DPP4: variants seen among roughly 807,000 people sequenced by gnomAD.
The protein encoded by DPP4 is ADCP-2.
Under a neutral mutation model 122.4 loss-of-function variants are expected in DPP4, and 93 were observed. That is an observed-to-expected ratio of 0.76 (90% CI 0.64 to 0.90). DPP4 has a LOEUF of 0.90. Ranked by LOEUF, DPP4 falls within the 40% of genes least tolerant of loss-of-function variation. The pLI, the probability that DPP4 is intolerant of heterozygous loss-of-function variation, is 0.00. For missense variants in DPP4, 914 were observed against 907.3 expected, an observed-to-expected ratio of 1.01 and a Z score of -0.09; for synonymous variants, 321 against 302.9, an observed-to-expected ratio of 1.06 and a Z score of -0.62.
intron 13 of DPP4, 67 bp from the exon 14 acceptor site, chr2:162,020,363 G>A (rs1160940120): frequency 7.7e-7 from 1 of 1,299,348 alleles, no homozygotes; most frequent in African/African-American, 1.5e-5. Flanking sequence ...TGTTCAAAGT[G>A]GAGGATTAAA....
intron 9 of DPP4, among the ~76,000 whole-genome samples, chr2:162,033,862 G>GTACATATATATATATA (rs1683658843): frequency 9.6e-6 from 1 of 104,026 alleles, no homozygotes; most frequent in Admixed American, 1.1e-4. Flanking sequence ...CAGAATATGT[G>GTACATATATATATATA]TATATATATA....
At position 161,995,252 on chromosome 2, in the gene DPP4, T is replaced by C. The variant is rs770353584; in HGVS notation, c.2125+48A>G. ...TGCTTTTGTTTTGTCAGTAGTGAAA[T>C]TGCAAACCTGTCTGTGATACTAAAA... On this transcript the variant is annotated intron_variant, in intron 24 of 25. Coordinates refer to ENST00000360534, the MANE Select transcript of DPP4 (RefSeq NM_001935.4). 3.2e-6 allele frequency: 5 copies of C among 1,552,736 alleles called. No homozygotes were observed. In the Admixed American group the frequency reaches 5.0e-5, roughly 16 times the overall value.
chr2:162,074,079 G>C lies in DPP4; in HGVS notation c.-98C>G. ...CGCGTCCTGCACCGCTGCTCCGGGC[G>C]GTGGAGTCACTCGCCGCTGGCAAGT... is the stretch of plus-strand genomic sequence containing the variant. On this transcript the variant is annotated 5_prime_UTR_variant, in exon 1 of 26. Transcript: ENST00000360534. 1 of 1,510,724 alleles carries C rather than the reference G, an allele frequency of 6.6e-7. No homozygotes were observed. Among genetic ancestry groups the C allele is most frequent in the Non-Finnish European group, 8.8e-7 (1 of 1,130,794 alleles). 93.6% of individuals were successfully genotyped at this position (1,510,724 alleles called of 1,614,324 possible).
intron 2 of DPP4, among the ~76,000 whole-genome samples, chr2:162,061,006 CTCCT>C (rs1235608036): frequency 0.051 from 4,114 of 81,324 alleles, 215 homozygotes; most frequent in African/African-American, 0.17. Flanking sequence ...CCCTCCCTCC[CTCCT>C]TCCTTCCTTC....
At chr2:162,069,918 G>T (rs1416283088) in intron 2 of DPP4, among the ~76,000 whole-genome samples, 1 of 152,100 alleles carries the variant, frequency 6.6e-6, no homozygotes, top group Non-Finnish European at 1.5e-5. Context: ...AGGAGCAAAA[G>T]AAGAGATATA....
intron 14 of DPP4, among the ~76,000 whole-genome samples, chr2:162,019,964 A>G (rs1347230769): frequency 6.6e-6 from 1 of 152,170 alleles, no homozygotes; most frequent in Non-Finnish European, 1.5e-5. Context: ...TCGGCGTTCC[A>G]CAACGTTCAT....
At position 162,008,564 on chromosome 2, in the gene DPP4, T is replaced by C. The variant is rs1701341157; in HGVS notation, c.1985A>G (p.Tyr662Cys). The stretch of plus-strand genomic sequence containing the variant: ...TGTACCTGGCAGCAATTACATACCA[T>C]AGTACTCCCACCGGGATACAGGCGC... ...AVAPVSRWEY[Y>C]DSVYTERYMG... The change falls in exon 22 of 26, where the codon TAT becomes TGT. Residue 662 changes from tyrosine (Y) to cysteine (C), a missense_variant and splice_region_variant. Transcript: ENST00000360534. 1.2e-6 allele frequency: 2 copies of C among 1,613,096 alleles called. No individual in the cohort carries two copies. Among genetic ancestry groups the C allele is most frequent in the South Asian group, 1.1e-5 (1 of 91,062 alleles).
chr2:162,052,231 T>C (rs1684407976), intron 2 of DPP4, among the ~76,000 whole-genome samples: 1 of 148,192 alleles, frequency 6.7e-6, no homozygotes, highest in Admixed American at 6.9e-5. Flanking sequence ...GGCAGGAAAA[T>C]TGCTTGAACC....
At chr2:162,033,862 GTATATATATATATA>G (rs138320647) in intron 9 of DPP4, among the ~76,000 whole-genome samples, 2,103 of 104,044 alleles carry the variant, frequency 0.02, 92 homozygotes, top group African/African-American at 0.071. Flanking sequence ...CAGAATATGT[GTATATATATATATA>G]TATATATATA....
chr2:162,038,255 TA>T, intron 8 of DPP4, 46 bp downstream of exon 8: 1 of 1,478,100 alleles, frequency 6.8e-7, no homozygotes, highest in Admixed American at 2.5e-5. Flanking sequence ...TTAACTATTT[TA>T]AAAGCTTATA....
rs1682945050 is a variant in DPP4 at position 162,016,866 on chromosome 2, C to A, written c.1469G>T (p.Gly490Val). 2.5e-6 allele frequency: 4 copies of A among 1,607,882 alleles called. No individual in the cohort carries two copies. Among genetic ancestry groups the A allele is most frequent in the Non-Finnish European group, 3.4e-6 (4 of 1,178,074 alleles). ...YTLHSSVNDK[G>V]LRVLEDNSAL... ...TGAATTGTCTTCCAGGACTCTCAGCCCTAAAGAAATACAGGAGACAGCAGT... is the reference window on the plus strand; with the variant it reads ...TGAATTGTCTTCCAGGACTCTCAGCACTAAAGAAATACAGGAGACAGCAGT... Residue 490 changes from glycine to valine, a missense_variant and splice_region_variant, in exon 18 of 26, where the codon GGG becomes GTG. Physicochemically the swap from Gly to Val is moderately radical, Grantham distance 109 (BLOSUM62 -3). Coordinates refer to ENST00000360534, the MANE Select transcript of DPP4 (RefSeq NM_001935.4).
chr2:162,068,156 G>A (rs1283593854), intron 2 of DPP4, among the ~76,000 whole-genome samples: 1 of 152,162 alleles, frequency 6.6e-6, no homozygotes, highest in African/African-American at 2.4e-5. Context: ...AGCTTGAGAT[G>A]TCAGTCATTG....
intron 5 of DPP4, among the ~76,000 whole-genome samples, chr2:162,043,641 C>G (rs73971539): frequency 0.027 from 4,123 of 152,236 alleles, 201 homozygotes; most frequent in African/African-American, 0.094. Flanking sequence ...CTGTTTCTAC[C>G]TTACCTTCAT....
intron 8 of DPP4, among the ~76,000 whole-genome samples, chr2:162,036,088 A>G (rs1417756001): frequency 6.6e-6 from 1 of 152,168 alleles, no homozygotes; most frequent in African/African-American, 2.4e-5. Context: ...GAGATATTCA[A>G]TCACTGGCTC....
chr2:161,993,299 C>G lies in DPP4; in HGVS notation c.2285G>C (p.Cys762Ser), dbSNP rs144519975. ...TTTGAGGTGCTAAGGTAAAGAGAAACATTGTTTTATGAAGTGGCTCATGTG... is the reference window on the plus strand; with the variant it reads ...TTTGAGGTGCTAAGGTAAAGAGAAAGATTGTTTTATGAAGTGGCTCATGTG... ...YTHMSHFIKQ[C>S]FSLP The change falls in exon 26 of 26, where the codon TGT becomes TCT. Residue 762 changes from cysteine to serine, a missense_variant. Physicochemically the swap from Cys to Ser is moderately radical, Grantham distance 112. Coordinates refer to ENST00000360534, the MANE Select transcript of DPP4 (RefSeq NM_001935.4). 1,522 of 1,612,288 alleles carry G rather than the reference C, an allele frequency of 9.4e-4. No homozygotes were observed. Among genetic ancestry groups the G allele is most frequent in the Non-Finnish European group, 1.2e-3 (1,390 of 1,178,524 alleles).
intron 10 of DPP4, chr2:162,032,112 T>C (rs778177597): frequency 1.3e-5 from 2 of 152,232 alleles, no homozygotes; most frequent in Non-Finnish European, 2.9e-5. Flanking sequence ...ACTGCTGTGA[T>C]GGTGCCTTCA....
chr2:162,053,238 C>T (rs1425958934), intron 2 of DPP4, among the ~76,000 whole-genome samples: 2 of 152,148 alleles, frequency 1.3e-5, no homozygotes, highest in African/African-American at 4.8e-5. Flanking sequence ...AAGCCAGATG[C>T]TATTCATCAA....
intron 15 of DPP4, 151 bp from the exon 16 acceptor site, chr2:162,019,001 T>C: frequency 9.7e-7 from 1 of 1,035,538 alleles, no homozygotes; most frequent in Non-Finnish European, 1.4e-6. Flanking sequence ...AATACATGAA[T>C]TAATAGTAAC....
At chr2:162,004,955 T>C (rs965402450) in intron 23 of DPP4, among the ~76,000 whole-genome samples, 2 of 152,208 alleles carry the variant, frequency 1.3e-5, no homozygotes, top group South Asian at 2.1e-4. Context: ...TTCAGGGTTT[T>C]AAAAAAATTT....
Sources: allele counts gnomAD v4.1 joint callset (sites outside exome capture counted in the v4.1 genomes callset), GRCh38; gene constraint gnomAD v4.1.1; transcripts MANE v1.5; gene names NCBI Gene and HGNC (gene_info 2026-07-23, HGNC 2026-07-21).